Variants in PHF21A observed in about 807,000 individuals in gnomAD.
The protein encoded by PHF21A is BHC80a.
A neutral mutation model predicts 82.5 loss-of-function variants in PHF21A; 11 were observed. That is an observed-to-expected ratio of 0.13 (90% CI 0.08 to 0.22). The LOEUF is 0.22. Among genes scored for constraint, PHF21A ranks in the 10% least tolerant of loss-of-function variants. PHF21A has a pLI of 1.00. For missense variants in PHF21A, 579 were observed against 837.8 expected, an observed-to-expected ratio of 0.69 and a Z score of 3.81; for synonymous variants, 297 against 302.8, an observed-to-expected ratio of 0.98 and a Z score of 0.20.
At chr11:45,992,860 T>C (rs2094763034) in intron 6 of PHF21A, among the ~76,000 whole-genome samples, 1 of 152,212 alleles carries the variant, frequency 6.6e-6, no homozygotes, top group Non-Finnish European at 1.5e-5. Context: ...TACATATAAT[T>C]TAACCCCTGT....
intron 11 of PHF21A, among the ~76,000 whole-genome samples, chr11:45,953,045 C>T (rs2092307436): frequency 6.6e-6 from 1 of 152,192 alleles, no homozygotes; most frequent in African/African-American, 2.4e-5. Context: ...TTCTGAGCTA[C>T]TGATTCATTT....
intron 6 of PHF21A, among the ~76,000 whole-genome samples, chr11:46,025,132 A>C (rs2095713403): frequency 6.6e-6 from 1 of 152,056 alleles, no homozygotes; most frequent in Non-Finnish European, 1.5e-5. Flanking sequence ...AAGAGATAAC[A>C]GTGACAGGAA....
intron 6 of PHF21A, among the ~76,000 whole-genome samples, chr11:46,014,474 C>A (rs544109623): frequency 6.6e-6 from 1 of 152,316 alleles, no homozygotes; most frequent in South Asian, 2.1e-4. Flanking sequence ...AATGAACATA[C>A]AAGTGCAAGT....
rs1432576883 is a variant in PHF21A at position 45,932,453 on chromosome 11, C to T, written c.*1515G>A. On this transcript the variant is annotated 3_prime_UTR_variant, in exon 19 of 19. Transcript: ENST00000676320. This position sits in a 1 kb window ranked among gnomAD's most constrained non-coding sequence, Gnocchi z 4.3. Reference sequence around the variant, plus strand: ...GAGGAGAGAGAAGGGTGGGGAGCTCCGCCTCTGTCCTTCAAGGAGACTGGC... The same window carrying T: ...GAGGAGAGAGAAGGGTGGGGAGCTCTGCCTCTGTCCTTCAAGGAGACTGGC... The T allele has an allele frequency of 1.3e-5, 2 of 152,160 alleles. No individual in the cohort carries two copies. The highest frequency in any genetic ancestry group is 2.9e-5 in the Non-Finnish European group (2 of 68,030). 9.4% of individuals were successfully genotyped at this position (152,160 alleles called of 1,614,324 possible).
chr11:45,948,538 G>A (rs969340386), intron 14 of PHF21A, among the ~76,000 whole-genome samples: 2 of 152,232 alleles, frequency 1.3e-5, no homozygotes, highest in Non-Finnish European at 2.9e-5. Context: ...GGCAATGGCA[G>A]TGCTCTGTTC....
At chr11:46,071,284 T>G (rs1171021151) in intron 6 of PHF21A, among the ~76,000 whole-genome samples, 2 of 152,172 alleles carry the variant, frequency 1.3e-5, no homozygotes, top group Non-Finnish European at 2.9e-5. Context: ...TGTCCCTTCA[T>G]GCAAGGCCTC....
intron 6 of PHF21A, among the ~76,000 whole-genome samples, chr11:45,999,812 T>C (rs2095054430): frequency 6.6e-6 from 1 of 152,212 alleles, no homozygotes; most frequent in African/African-American, 2.4e-5. Context: ...AAATTCATCA[T>C]GTTTCATTTT....
chr11:45,951,403 C>T (rs889383350), intron 11 of PHF21A, among the ~76,000 whole-genome samples: 27 of 152,202 alleles, frequency 1.8e-4, no homozygotes, highest in African/African-American at 6.3e-4. Flanking sequence ...ATGTCATTTA[C>T]TGGTAACTTC....
chr11:45,986,084 A>AAAACACACACACACACACACACAC (rs1555050364), intron 6 of PHF21A, among the ~76,000 whole-genome samples: 7 of 132,284 alleles, frequency 5.3e-5, no homozygotes, highest in South Asian at 5.1e-4. Context: ...CTTCCTTCAA[A>AAAACACACACACACACACACACAC]ACACACACAC....
At chr11:46,052,820 T>C (rs2096389384) in intron 6 of PHF21A, among the ~76,000 whole-genome samples, 1 of 152,188 alleles carries the variant, frequency 6.6e-6, no homozygotes, top group Non-Finnish European at 1.5e-5. Context: ...TTCTTGGACA[T>C]CTCTGACCAA....
At chr11:45,958,184 T>C (rs966851849) in intron 10 of PHF21A, among the ~76,000 whole-genome samples, 14 of 151,230 alleles carry the variant, frequency 9.3e-5, no homozygotes, top group African/African-American at 3.2e-4. Context: ...CTACCAAACA[T>C]TTAAAGAATT....
intron 6 of PHF21A, among the ~76,000 whole-genome samples, chr11:46,046,796 A>AC (rs1333389243): frequency 3.3e-5 from 5 of 152,184 alleles, no homozygotes; most frequent in Admixed American, 3.3e-4. Flanking sequence ...TCACTCTGTG[A>AC]AGAGTGTCTG....
chr11:46,007,254 C>A (rs879714094), intron 6 of PHF21A, among the ~76,000 whole-genome samples: 2 of 151,942 alleles, frequency 1.3e-5, no homozygotes, highest in African/African-American at 4.8e-5. Context: ...ATCCAGGTAG[C>A]GCTGAAGCCA....
intron 6 of PHF21A, among the ~76,000 whole-genome samples, chr11:46,041,041 C>A (rs2096128727): frequency 6.6e-6 from 1 of 152,024 alleles, no homozygotes; most frequent in Non-Finnish European, 1.5e-5. Flanking sequence ...GTAAATAGGT[C>A]GCCCTCACTG....
At chr11:46,030,991 A>G (rs963440468) in intron 6 of PHF21A, among the ~76,000 whole-genome samples, 10 of 152,172 alleles carry the variant, frequency 6.6e-5, no homozygotes, top group African/African-American at 2.4e-4. Context: ...CCTAAAATGC[A>G]AATAATGCAG....
chr11:46,008,122 G>T (rs1309003700), intron 6 of PHF21A, among the ~76,000 whole-genome samples: 1 of 152,124 alleles, frequency 6.6e-6, no homozygotes, highest in African/African-American at 2.4e-5. Context: ...TTCTATTTGG[G>T]AATGTTAACT....
chr11:45,956,030 G>A (rs777834307), intron 10 of PHF21A, among the ~76,000 whole-genome samples: 15 of 152,130 alleles, frequency 9.9e-5, no homozygotes, highest in Non-Finnish European at 1.8e-4. Flanking sequence ...TTAAAGTGCT[G>A]AGCAAAAAAA....
Position 45,934,071 on chromosome 11 carries a change from G to A in PHF21A, c.1943C>T (p.Pro648Leu), listed in dbSNP as rs748724067. The change falls in exon 19 of 19, where the codon CCG becomes CTG. Residue 648 changes from proline (P) to leucine (L), a missense_variant. By Grantham distance (98) the Pro-to-Leu change is moderately conservative (BLOSUM62 -3). Coordinates refer to ENST00000676320, the MANE Select transcript of PHF21A (RefSeq NM_001352027.3). ...GGCATTGGCAGGGGGGGTGCAGTCC[G>A]GGCCATTGGAGATGGCCCCCACAGT... ...EATVGAISNG[P>L]DCTPPANAAT... 20 of 1,613,880 alleles carry A rather than the reference G, an allele frequency of 1.2e-5. No individual in the cohort carries two copies. The highest frequency in any genetic ancestry group is 4.0e-5 in the African/African-American group (3 of 74,898).
chr11:45,973,320 T>C (rs1414211140), intron 7 of PHF21A, among the ~76,000 whole-genome samples: 4 of 152,230 alleles, frequency 2.6e-5, no homozygotes, highest in African/African-American at 9.6e-5. Context: ...GAAACACATC[T>C]GGACAACTTC....
Sources: gnomAD v4.1 joint callset for allele counts (sites outside exome capture counted in the v4.1 genomes callset) on GRCh38, gnomAD v4.1.1 for gene constraint, Gnocchi (gnomAD v3.1) non-coding constraint, MANE v1.5 for transcripts, NCBI Gene and HGNC (gene_info 2026-07-23, HGNC 2026-07-21) for gene names.